LYPD6B: variants seen among roughly 807,000 people sequenced by gnomAD.
LYPD6B encodes ly6/PLAUR domain-containing protein 6B.
A neutral mutation model predicts 22.8 loss-of-function variants in LYPD6B; 17 were observed. The observed-to-expected ratio is 0.75, with a 90% CI of 0.51 to 1.12. The LOEUF is 1.12. LYPD6B is among the 50% of genes most tolerant of loss of function. The pLI, the probability that LYPD6B is intolerant of heterozygous loss-of-function variation, is 0.00. For missense variants in LYPD6B, 221 were observed against 258.3 expected, an observed-to-expected ratio of 0.86 and a Z score of 0.99; for synonymous variants, 106 against 91.6, an observed-to-expected ratio of 1.16 and a Z score of -0.90.
chr2:149,184,686 G>C (rs556083054), intron 3 of LYPD6B, among the ~76,000 whole-genome samples: 1 of 152,150 alleles, frequency 6.6e-6, no homozygotes, highest in Non-Finnish European at 1.5e-5. Context: ...CATCAGCTTG[G>C]TACTTTTCTT....
At chr2:149,177,835 G>GT (rs35470511) in intron 3 of LYPD6B, among the ~76,000 whole-genome samples, 44,161 of 131,726 alleles carry the variant, frequency 0.34, 7,796 homozygotes, top group East Asian at 0.55. Context: ...TTCTGCAAGA[G>GT]TTTTTTTTTT....
intron 4 of LYPD6B, among the ~76,000 whole-genome samples, chr2:149,206,369 T>C (rs1468189607): frequency 6.6e-6 from 1 of 152,112 alleles, no homozygotes; most frequent in Non-Finnish European, 1.5e-5. Context: ...GGGACAGTCA[T>C]CTCTGTGTGT....
At chr2:149,189,357 TATATATATATACACAC>T (rs1692340093) in intron 3 of LYPD6B, among the ~76,000 whole-genome samples, 1 of 85,118 alleles carries the variant, frequency 1.2e-5, no homozygotes, top group African/African-American at 3.6e-5. Flanking sequence ...TATATATATA[TATATATATATACACAC>T]ACATATGTAT....
intron 1 of LYPD6B, among the ~76,000 whole-genome samples, chr2:149,049,683 A>G (rs1280944687): frequency 2.6e-5 from 4 of 152,202 alleles, no homozygotes; most frequent in Non-Finnish European, 5.9e-5. Context: ...TTCAGAGCTT[A>G]TGGCTTGTTT....
chr2:149,149,061 AC>A (rs1337399854), intron 2 of LYPD6B, among the ~76,000 whole-genome samples: 12 of 152,162 alleles, frequency 7.9e-5, no homozygotes, highest in Non-Finnish European at 1.8e-4. Context: ...CTAACCTGAA[AC>A]CTGAAGGATA....
rs149950540 is a variant in LYPD6B, at chr2:149,139,075, T to C, written c.5+8122T>C. Among the ~76,000 whole-genome samples the C allele has an allele frequency of 4.1e-3, 618 of 152,354 alleles. 4 individuals carry two copies. Among genetic ancestry groups the C allele is most frequent in the African/African-American group, 0.014 (588 of 41,586 alleles). On this transcript the variant is annotated intron_variant, in intron 2 of 6. Coordinates refer to ENST00000409642, the MANE Select transcript of LYPD6B (RefSeq NM_177964.5). The stretch of plus-strand genomic sequence containing the variant: ...TCAATGAGGATACATGGAAACCCTG[T>C]GACATGTAGCACCGTGAAGTGCTGG...
At chr2:149,075,658 T>G (rs1684847796) in intron 1 of LYPD6B, among the ~76,000 whole-genome samples, 1 of 152,114 alleles carries the variant, frequency 6.6e-6, no homozygotes, top group Non-Finnish European at 1.5e-5. Flanking sequence ...ATGTGCATAG[T>G]TTGACTATGA....
intron 1 of LYPD6B, among the ~76,000 whole-genome samples, chr2:149,092,123 T>C (rs1685680958): frequency 6.6e-6 from 1 of 151,760 alleles, no homozygotes; most frequent in Non-Finnish European, 1.5e-5. Flanking sequence ...TCTTAATATG[T>C]GTCAGGGCGG....
chr2:149,165,148 T>G (rs1253736196), intron 3 of LYPD6B, among the ~76,000 whole-genome samples: 1 of 152,104 alleles, frequency 6.6e-6, no homozygotes, highest in African/African-American at 2.4e-5. Context: ...TCCAATAGCC[T>G]AGCTCAGCCT....
chr2:149,168,444 T>C (rs1411360652), intron 3 of LYPD6B, among the ~76,000 whole-genome samples: 2 of 152,176 alleles, frequency 1.3e-5, no homozygotes, highest in East Asian at 3.8e-4. Context: ...ATTCCAAATT[T>C]AACTTTAACC....
At chr2:149,073,430 T>C (rs964608554) in intron 1 of LYPD6B, among the ~76,000 whole-genome samples, 2 of 152,176 alleles carry the variant, frequency 1.3e-5, no homozygotes, top group African/African-American at 4.8e-5. Flanking sequence ...TCTTCTTTGA[T>C]TTCCTGCTGT....
chr2:149,120,407 T>C (rs1267231981), intron 1 of LYPD6B, among the ~76,000 whole-genome samples: 1 of 107,968 alleles, frequency 9.3e-6, no homozygotes, highest in Non-Finnish European at 1.9e-5. Flanking sequence ...TTTTTTGAGA[T>C]GGAGTCTTGC....
In LYPD6B at chr2:149,040,103, C is replaced by A. The variant is rs191753630; in HGVS notation, c.-67+1302C>A. ...TTCTTAGTATGGACGATAAATAGGA[C>A]TTGCACCTTCAGGCTTATCTGCTCC... On this transcript the variant is annotated intron_variant, in intron 1 of 6. Transcript: ENST00000409642. Among the ~76,000 whole-genome samples, 155 of 152,196 alleles carry A rather than the reference C, an allele frequency of 1.0e-3. 2 individuals carry two copies. Among genetic ancestry groups the A allele is most frequent in the African/African-American group, 3.3e-3 (139 of 41,534 alleles).
At chr2:149,120,083 C>A (rs1164559575) in intron 1 of LYPD6B, among the ~76,000 whole-genome samples, 2 of 151,914 alleles carry the variant, frequency 1.3e-5, no homozygotes, top group Non-Finnish European at 2.9e-5. Context: ...AGGGTATAGT[C>A]TTGGGGAGCC....
chr2:149,049,690 G>A (rs1009731461), intron 1 of LYPD6B, among the ~76,000 whole-genome samples: 2 of 151,728 alleles, frequency 1.3e-5, no homozygotes, highest in Admixed American at 6.6e-5. Context: ...CTTATGGCTT[G>A]TTTGGGGACA....
At position 149,214,765 on chromosome 2, in the gene LYPD6B, T is replaced by C; in HGVS notation, c.*55T>C. The stretch of plus-strand genomic sequence containing the variant: ...AGCCTCTAAAGCACAAGCCAAAAAC[T>C]GTGTGAACGGTGAACTTTGGAGTGA... On this transcript the variant is annotated 3_prime_UTR_variant, in exon 7 of 7. Transcript: ENST00000409642. The C allele has an allele frequency of 6.4e-7, 1 of 1,568,594 alleles. No individual in the cohort carries two copies.
At chr2:149,132,013 A>G (rs1188052753) in intron 2 of LYPD6B, among the ~76,000 whole-genome samples, 3 of 152,048 alleles carry the variant, frequency 2.0e-5, no homozygotes, top group African/African-American at 7.3e-5. Flanking sequence ...GGGAAAAGAC[A>G]TGCCAAAGCT....
At chr2:149,127,002 T>C (rs919396054) in intron 1 of LYPD6B, among the ~76,000 whole-genome samples, 34 of 152,054 alleles carry the variant, frequency 2.2e-4, no homozygotes, top group African/African-American at 8.2e-4. Context: ...TGTGGTTTAA[T>C]CCGTCCATTG....
At chr2:149,134,831 G>C (rs1459089409) in intron 2 of LYPD6B, among the ~76,000 whole-genome samples, 1 of 152,194 alleles carries the variant, frequency 6.6e-6, no homozygotes. Flanking sequence ...TGGTGTGCTG[G>C]AACAAAGAGT....
Sources: gnomAD v4.1 joint callset for allele counts (sites outside exome capture counted in the v4.1 genomes callset) on GRCh38, gnomAD v4.1.1 for gene constraint, MANE v1.5 for transcripts, NCBI Gene and HGNC (gene_info 2026-07-23, HGNC 2026-07-21) for gene names.